The following MOB1B variants were observed in gnomAD, a reference collection of about 807,000 sequenced individuals.
MOB1B encodes the protein MOB kinase activator 1B, also known as MOB1 Mps One Binder homolog B.
MOB1B carries 19 observed loss-of-function variants against 24.4 expected under a neutral mutation model. The ratio of observed to expected loss-of-function variants is 0.78; its 90% CI spans 0.54 to 1.14. The LOEUF (loss-of-function observed/expected upper bound fraction) is 1.14, where lower values mean the gene tolerates loss of function less well. MOB1B is among the 50% of genes most tolerant of loss of function. The pLI, the probability that MOB1B is intolerant of heterozygous loss-of-function variation, is 0.00. For missense variants in MOB1B, 243 were observed against 259.6 expected, an observed-to-expected ratio of 0.94 and a Z score of 0.44; for synonymous variants, 76 against 82.1, an observed-to-expected ratio of 0.93 and a Z score of 0.40.
intron 1 of MOB1B, among the ~76,000 whole-genome samples, chr4:70,940,713 G>A (rs1737295688): frequency 1.3e-5 from 2 of 149,562 alleles, no homozygotes; most frequent in Admixed American, 6.7e-5. Flanking sequence ...TTTCGCTCTG[G>A]TTGCCCAGAC....
chr4:70,942,819 G>C (rs1307741038), intron 1 of MOB1B: 11 of 933,000 alleles, frequency 1.2e-5, no homozygotes, highest in Non-Finnish European at 1.4e-5. Context: ...TTTTTTGTCT[G>C]TAGAGAGAAG....
chr4:70,985,296 G>A lies in MOB1B; in HGVS notation c.*3239G>A, dbSNP rs909782426. On this transcript the variant is annotated 3_prime_UTR_variant, in exon 6 of 6. Coordinates refer to ENST00000309395, the MANE Select transcript of MOB1B (RefSeq NM_173468.4). ...TGAGTTGTAGAACTTTCTTTTTAAGGTGAATAAGTCATGCCTTAACATCCA... is the reference window on the plus strand; with the variant it reads ...TGAGTTGTAGAACTTTCTTTTTAAGATGAATAAGTCATGCCTTAACATCCA... 6.6e-6 allele frequency: 1 copy of A among 152,110 alleles called. No homozygotes were observed. The highest frequency in any genetic ancestry group is 1.5e-5 in the Non-Finnish European group (1 of 68,022). The allele number at this position is 152,110 out of a possible 1,614,324, so 9.4% of individuals were successfully genotyped here.
At chr4:70,976,725 A>T (rs539812901) in intron 4 of MOB1B, 1 of 762,668 alleles carries the variant, frequency 1.3e-6, no homozygotes, top group Admixed American at 6.3e-5. Flanking sequence ...CTTTTTTAAT[A>T]AAAGAGCAAT....
At chr4:70,924,980 T>G (rs903940993) in intron 1 of MOB1B, among the ~76,000 whole-genome samples, 2 of 152,226 alleles carry the variant, frequency 1.3e-5, no homozygotes, top group Non-Finnish European at 2.9e-5. Flanking sequence ...AAACTACAAT[T>G]TTAAACAGCT....
intron 3 of MOB1B, among the ~76,000 whole-genome samples, chr4:70,971,659 T>A (rs1271146563): frequency 2.0e-5 from 3 of 152,206 alleles, no homozygotes; most frequent in Non-Finnish European, 4.4e-5. Context: ...TTAGTATTAA[T>A]TCTTGCCAGT....
At chr4:70,958,711 G>A (rs746667050) in intron 1 of MOB1B, 163 bp from the exon 2 acceptor site, 1 of 805,022 alleles carries the variant, frequency 1.2e-6, no homozygotes, top group Non-Finnish European at 2.2e-6. Context: ...ACTAGACACA[G>A]CAGAGAAAGT....
rs904330158 is a variant in MOB1B at position 70,942,791 on chromosome 4, T to C, written c.15-16083T>C. 6.9e-6 allele frequency: 6 copies of C among 863,720 alleles called. No homozygotes were observed. In the African/African-American group the frequency reaches 1.1e-4, roughly 15 times the overall value. The allele number at this position is 863,720 out of a possible 1,614,324, so 53.5% of individuals were successfully genotyped here. ...AGGTTTTAGCCCCTCCCTGAATTCC[T>C]GTATGCAAAATATTGTGTTTTTTGT... On this transcript the variant is annotated intron_variant, in intron 1 of 5. Coordinates refer to ENST00000309395, the MANE Select transcript of MOB1B (RefSeq NM_173468.4).
Position 70,982,066 on chromosome 4 carries a change from A to C in MOB1B, c.*9A>C, listed in dbSNP as rs754769122. 6.3e-7 allele frequency: 1 copy of C among 1,595,946 alleles called. No individual in the cohort carries two copies. Among genetic ancestry groups the C allele is most frequent in the Admixed American group, 1.7e-5 (1 of 59,802 alleles). On this transcript the variant is annotated 3_prime_UTR_variant, in exon 6 of 6. Transcript: ENST00000309395. ...CCTCAAAAGACAGATAAAAGGATGC[A>C]GAGCTGTGCAAATTGTTCCTCAAAT...
In MOB1B at chr4:70,953,230, TGCCTG is replaced by T. The variant is rs1737886494; in HGVS notation, c.15-5638_15-5634del. ...CTGGGATTACAGGCATGAGCCACCT[TGCCTG>T]GCCTGTCAGTTGGTCTTTTGACCTG... On this transcript the variant is annotated intron_variant, in intron 1 of 5. Coordinates refer to ENST00000309395, the MANE Select transcript of MOB1B (RefSeq NM_173468.4). Among the ~76,000 whole-genome samples the T allele has an allele frequency of 2.0e-5, 3 of 152,146 alleles. No individual in the cohort carries two copies. The South Asian group carries it at 6.2e-4, about 32-fold the overall frequency.
At chr4:70,942,799 A>G in intron 1 of MOB1B, 1 of 906,128 alleles carries the variant, frequency 1.1e-6, no homozygotes, top group Non-Finnish European at 1.3e-6. Flanking sequence ...CCTGTATGCA[A>G]AATATTGTGT....
At position 70,926,086 on chromosome 4, in the gene MOB1B, C is replaced by T. The variant is rs557137003; in HGVS notation, c.14+23536C>T. Among the ~76,000 whole-genome samples the T allele has an allele frequency of 8.5e-4, 130 of 152,196 alleles. 3 individuals are homozygous for T. In the South Asian group the frequency reaches 0.026, roughly 30 times the overall value. ...CACTGCAACCTCAACCTCCTGGGCT[C>T]GTGATTCTTCCACCTCAGCTTCCTG... On this transcript the variant is annotated intron_variant, in intron 1 of 5. Coordinates refer to ENST00000309395, the MANE Select transcript of MOB1B (RefSeq NM_173468.4).
chr4:70,913,351 C>A (rs1736073075), intron 1 of MOB1B, among the ~76,000 whole-genome samples: 1 of 152,058 alleles, frequency 6.6e-6, no homozygotes, highest in Non-Finnish European at 1.5e-5. Flanking sequence ...GGCTGGAATG[C>A]TGTGGTGTGA....
intron 3 of MOB1B, among the ~76,000 whole-genome samples, chr4:70,970,888 C>G (rs113746278): frequency 0.013 from 1,966 of 152,306 alleles, 38 homozygotes; most frequent in African/African-American, 0.045. Flanking sequence ...GAAGACTGCA[C>G]TAGGAAAGAC....
In MOB1B at chr4:70,983,981, A is replaced by G. The variant is rs918374467; in HGVS notation, c.*1924A>G. The G allele has an allele frequency of 6.6e-5, 10 of 152,580 alleles. No individual in the cohort carries two copies. Among genetic ancestry groups the G allele is most frequent in the African/African-American group, 2.2e-4 (9 of 41,454 alleles). The allele number at this position is 152,580 out of a possible 1,614,324, so 9.5% of individuals were successfully genotyped here. ...TGTGAGGTGATTTTGAATCTTGTCCATATAGGAAAATGAAGCACAGAATTA... is the reference window on the plus strand; with the variant it reads ...TGTGAGGTGATTTTGAATCTTGTCCGTATAGGAAAATGAAGCACAGAATTA... On this transcript the variant is annotated 3_prime_UTR_variant, in exon 6 of 6. Transcript: ENST00000309395.
rs1256450687 is a variant in MOB1B, at chr4:70,982,025, C to A, written c.619C>A (p.Leu207Met). 5 of 1,612,538 alleles carry A rather than the reference C, an allele frequency of 3.1e-6. No homozygotes were observed. Among genetic ancestry groups the A allele is most frequent in the East Asian group, 2.2e-5 (1 of 44,858 alleles). ...DRRELAPLQE[L>M]IEKLTSKDR The stretch of plus-strand genomic sequence containing the variant: ...AAGAGAACTTGCACCACTCCAAGAA[C>A]TGATTGAAAAACTCACCTCAAAAGA... Residue 207 changes from leucine (L) to methionine (M), a missense_variant, in exon 6 of 6, where the codon CTG becomes ATG. Transcript: ENST00000309395.
chr4:70,927,587 T>C (rs921078997), intron 1 of MOB1B, among the ~76,000 whole-genome samples: 2 of 152,156 alleles, frequency 1.3e-5, no homozygotes, highest in Non-Finnish European at 2.9e-5. Context: ...ATATGTGTAG[T>C]GCATTCACCT....
intron 1 of MOB1B, among the ~76,000 whole-genome samples, chr4:70,926,531 C>T (rs1345070322): frequency 6.6e-6 from 1 of 152,198 alleles, no homozygotes; most frequent in East Asian, 1.9e-4. Context: ...ATTATCTCCA[C>T]TCATGAAATT....
rs149352207 is a variant in MOB1B, at chr4:70,928,380, C to G, written c.14+25830C>G. 3.1e-3 allele frequency among the ~76,000 whole-genome samples: 469 copies of G among 151,004 alleles called. 10 individuals are homozygous for G. The East Asian group carries it at 0.073, about 23-fold the overall frequency. On this transcript the variant is annotated intron_variant, in intron 1 of 5. Transcript: ENST00000309395. ...GTGTGATCTCGGCCCACTGCACCCTCTGCCTCCCGGGTTCAAGCGATTCTC... is the reference window on the plus strand; with the variant it reads ...GTGTGATCTCGGCCCACTGCACCCTGTGCCTCCCGGGTTCAAGCGATTCTC...
intron 1 of MOB1B, among the ~76,000 whole-genome samples, chr4:70,933,519 T>A (rs540491682): frequency 1.9e-4 from 29 of 151,188 alleles, no homozygotes; most frequent in Non-Finnish European, 3.5e-4. Flanking sequence ...AATAGTTCTA[T>A]AGGGCTTGTA....
Sources: gnomAD v4.1 joint callset for allele counts (sites outside exome capture counted in the v4.1 genomes callset) on GRCh38, gnomAD v4.1.1 for gene constraint, MANE v1.5 for transcripts, NCBI Gene and HGNC (gene_info 2026-07-23, HGNC 2026-07-21) for gene names.